The following RAB6B variants were observed in gnomAD, a reference collection of about 807,000 sequenced individuals.
RAB6B encodes RAB6B, member RAS oncogene family.
RAB6B carries 7 observed loss-of-function variants against 31.2 expected under a neutral mutation model. That is an observed-to-expected ratio of 0.22 (90% confidence interval 0.13 to 0.42). RAB6B has a LOEUF of 0.42. Ranked by LOEUF, RAB6B falls within the 10% of genes least tolerant of loss-of-function variation. The pLI, the probability that RAB6B is intolerant of heterozygous loss-of-function variation, is 1.00. For synonymous variants in RAB6B, 105 were observed against 104.9 expected (o/e 1.00, Z -0.01); for missense variants, 149 against 280.6 (o/e 0.53, Z 3.35).
At position 133,827,752 on chromosome 3, in the gene RAB6B, C is replaced by G. The variant is rs1305509565; in HGVS notation, c.*1036G>C. ...TGGTGGTTCTGCAGACAACACCCCC[C>G]CCCCCCCCCGCCTCCCCATCACAGA... On this transcript the variant is annotated 3_prime_UTR_variant, in exon 8 of 8. Coordinates refer to ENST00000285208, the MANE Select transcript of RAB6B (RefSeq NM_016577.4). 1.5e-4 allele frequency: 13 copies of G among 86,156 alleles called. No homozygotes were observed. The highest frequency in any genetic ancestry group is 1.4e-3 in the South Asian group (7 of 4,940). The allele number at this position is 86,156 out of a possible 1,614,324, so 5.3% of individuals were successfully genotyped here. A position where few individuals can be genotyped will look rare whatever the true frequency, so the allele number is the denominator to read the frequency against.
At chr3:133,876,587 G>A (rs891665917) in intron 1 of RAB6B, among the ~76,000 whole-genome samples, 1 of 152,056 alleles carries the variant, frequency 6.6e-6, no homozygotes, top group African/African-American at 2.4e-5. Flanking sequence ...AATTATTGAA[G>A]GTAGACTAAG....
At chr3:133,835,004 C>G (rs745602177) in intron 6 of RAB6B, among the ~76,000 whole-genome samples, 2 of 152,198 alleles carry the variant, frequency 1.3e-5, no homozygotes, top group Non-Finnish European at 1.5e-5. Context: ...TTAAGGTGGG[C>G]TTCTGCAAAC....
intron 1 of RAB6B, among the ~76,000 whole-genome samples, chr3:133,870,065 C>T (rs1936294006): frequency 6.6e-6 from 1 of 152,218 alleles, no homozygotes; most frequent in Non-Finnish European, 1.5e-5. Context: ...CATTCTCACA[C>T]TGCTATGAAG....
chr3:133,881,637 C>G (rs990049900), intron 1 of RAB6B, among the ~76,000 whole-genome samples: 3 of 152,218 alleles, frequency 2.0e-5, no homozygotes, highest in African/African-American at 4.8e-5. Flanking sequence ...CTGCATGCCA[C>G]AGAGGAAAAA....
At chr3:133,836,534 G>C (rs760087427) in intron 6 of RAB6B, among the ~76,000 whole-genome samples, 2 of 152,154 alleles carry the variant, frequency 1.3e-5, no homozygotes, top group Non-Finnish European at 2.9e-5. Context: ...TTTAACTCCT[G>C]CTAAACCACT....
chr3:133,852,767 C>G (rs919122685), intron 2 of RAB6B, among the ~76,000 whole-genome samples: 4 of 152,216 alleles, frequency 2.6e-5, no homozygotes, highest in African/African-American at 9.7e-5. Context: ...GCGTGAGTCA[C>G]CATGCCTGGC....
rs182498348 is a variant in RAB6B, at chr3:133,858,582, T to C, written c.129+6002A>G. Among the ~76,000 whole-genome samples the C allele has an allele frequency of 6.3e-3, 956 of 152,332 alleles. 9 individuals are homozygous for C. The highest frequency in any genetic ancestry group is 0.022 in the African/African-American group (902 of 41,564). On this transcript the variant is annotated intron_variant, in intron 2 of 7. Coordinates refer to ENST00000285208, the MANE Select transcript of RAB6B (RefSeq NM_016577.4). ...TGTGAATGTCAATGTCCTCATCTCC[T>C]CTTCTTATAAGGACACCAGTCATAT...
In RAB6B at chr3:133,824,998, TC is replaced by T; in HGVS notation, c.*3789del. 6.6e-6 allele frequency: 1 copy of T among 152,296 alleles called. No homozygotes were observed. Among genetic ancestry groups the T allele is most frequent in the East Asian group, 1.9e-4 (1 of 5,184 alleles). The allele number at this position is 152,296 out of a possible 1,614,324, so 9.4% of individuals were successfully genotyped here. A position where few individuals can be genotyped will look rare whatever the true frequency, so the allele number is the denominator to read the frequency against. ...TGTAGACAGGAAAAGTTGTGACAGC[TC>T]TGCTTCACATAGCTGTAACAAGGTG... On this transcript the variant is annotated 3_prime_UTR_variant, in exon 8 of 8. Coordinates refer to ENST00000285208, the MANE Select transcript of RAB6B (RefSeq NM_016577.4).
At chr3:133,864,717 G>T in intron 1 of RAB6B, 75 bp from the exon 2 acceptor site, 1 of 1,423,934 alleles carries the variant, frequency 7.0e-7, no homozygotes, top group Non-Finnish European at 9.9e-7. Flanking sequence ...TGCATTTGAA[G>T]AAAAGATAAC....
intron 1 of RAB6B, among the ~76,000 whole-genome samples, chr3:133,892,729 C>T (rs1936653441): frequency 6.6e-6 from 1 of 152,188 alleles, no homozygotes; most frequent in African/African-American, 2.4e-5. Flanking sequence ...GTCCCCCATG[C>T]ACAGAAGATA....
At chr3:133,859,238 C>T (rs11720659) in intron 2 of RAB6B, among the ~76,000 whole-genome samples, 1 of 152,190 alleles carries the variant, frequency 6.6e-6, no homozygotes, top group Admixed American at 6.5e-5. Context: ...CTTGGCCTCC[C>T]GAAGTGCTGG....
Position 133,827,746 on chromosome 3 carries a change from A to AACCCCC in RAB6B, c.*1041_*1042insGGGGGT. On this transcript the variant is annotated 3_prime_UTR_variant, in exon 8 of 8. Coordinates refer to ENST00000285208, the MANE Select transcript of RAB6B (RefSeq NM_016577.4). The stretch of plus-strand genomic sequence containing the variant: ...TCAAGGTGGTGGTTCTGCAGACAAC[A>AACCCCC]CCCCCCCCCCCCCCCGCCTCCCCAT... 5.5e-5 allele frequency: 4 copies of AACCCCC among 72,110 alleles called. No homozygotes were observed. Among genetic ancestry groups the AACCCCC allele is most frequent in the Non-Finnish European group, 8.2e-5 (3 of 36,592 alleles). 4.5% of individuals were successfully genotyped at this position (72,110 alleles called of 1,614,324 possible).
At chr3:133,844,105 C>T (rs745877140) in intron 2 of RAB6B, among the ~76,000 whole-genome samples, 4 of 152,200 alleles carry the variant, frequency 2.6e-5, no homozygotes, top group Non-Finnish European at 5.9e-5. Flanking sequence ...TCACAAGGCA[C>T]TTCTGCTTCC....
intron 2 of RAB6B, among the ~76,000 whole-genome samples, chr3:133,854,637 T>C (rs975585931): frequency 1.3e-5 from 2 of 152,256 alleles, no homozygotes. Context: ...CTTCATTTTA[T>C]ACAAAATGTG....
chr3:133,872,895 G>A (rs551319831), intron 1 of RAB6B, among the ~76,000 whole-genome samples: 1 of 152,358 alleles, frequency 6.6e-6, no homozygotes, highest in South Asian at 2.1e-4. Context: ...ATGGAAAGGG[G>A]AGGGTAGAGG....
intron 1 of RAB6B, among the ~76,000 whole-genome samples, chr3:133,889,602 T>C (rs984016676): frequency 6.6e-6 from 1 of 151,566 alleles, no homozygotes; most frequent in Non-Finnish European, 1.5e-5. Flanking sequence ...GCCTGGCTAA[T>C]GTTTGTACTT....
At position 133,895,658 on chromosome 3, in the gene RAB6B, AGG is replaced by A; in HGVS notation, c.-194_-193del. On this transcript the variant is annotated 5_prime_UTR_variant, in exon 1 of 8. Coordinates refer to ENST00000285208, the MANE Select transcript of RAB6B (RefSeq NM_016577.4). ...GCTGCGTGTCCGGCGGCGGAGGAGG[AGG>A]AGGAGAGAGAGGCGGAGGCGGAGGA... 1.6e-6 allele frequency: 1 copy of A among 606,308 alleles called. No homozygotes were observed. Among genetic ancestry groups the A allele is most frequent in the South Asian group, 2.0e-5 (1 of 49,728 alleles). 37.6% of individuals were successfully genotyped at this position (606,308 alleles called of 1,614,324 possible). A position where few individuals can be genotyped will look rare whatever the true frequency, so the allele number is the denominator to read the frequency against.
intron 2 of RAB6B, among the ~76,000 whole-genome samples, chr3:133,862,728 T>C (rs867295883): frequency 3.9e-5 from 6 of 151,958 alleles, no homozygotes; most frequent in Admixed American, 2.6e-4. Flanking sequence ...GGGCGAGATT[T>C]TGAGGAACTT....
Position 133,828,501 on chromosome 3 carries a change from C to A in RAB6B, c.*287G>T. The stretch of plus-strand genomic sequence containing the variant: ...TTTTTATCTGGCAAAAAATTGTATA[C>A]ACATGATTTAAATTTTTTTTAAATT... On this transcript the variant is annotated 3_prime_UTR_variant, in exon 8 of 8. Coordinates refer to ENST00000285208, the MANE Select transcript of RAB6B (RefSeq NM_016577.4). 2.1e-6 allele frequency: 1 copy of A among 465,700 alleles called. No individual in the cohort carries two copies. Among genetic ancestry groups the A allele is most frequent in the African/African-American group, 2.0e-5 (1 of 49,642 alleles). 28.8% of individuals were successfully genotyped at this position (465,700 alleles called of 1,614,324 possible).
Sources: gnomAD v4.1 joint callset for allele counts (sites outside exome capture counted in the v4.1 genomes callset) on GRCh38, gnomAD v4.1.1 for gene constraint, MANE v1.5 for transcripts, NCBI Gene and HGNC (gene_info 2026-07-23, HGNC 2026-07-21) for gene names.